The following N4BP2 variants were observed in gnomAD, a reference collection of about 807,000 sequenced individuals.
The protein encoded by N4BP2 is NEDD4 binding protein 2.
A neutral mutation model predicts 152.8 loss-of-function variants in N4BP2; 91 were observed. That is an observed-to-expected ratio of 0.60 (90% confidence interval 0.50 to 0.71). N4BP2 has a LOEUF of 0.71. N4BP2 is among the 30% of genes least tolerant of loss of function. N4BP2 has a pLI of 0.00. For synonymous variants in N4BP2, 646 were observed against 705.3 expected, an observed-to-expected ratio of 0.92 and a Z score of 1.33; for missense variants, 1,923 against 2,059.1, an observed-to-expected ratio of 0.93 and a Z score of 1.28.
At chr4:40,109,453 C>T (rs889791787) in intron 5 of N4BP2, among the ~76,000 whole-genome samples, 1 of 152,178 alleles carries the variant, frequency 6.6e-6, no homozygotes, top group African/African-American at 2.4e-5. Flanking sequence ...CGCGGTGGCT[C>T]ATGCCTGTAA....
intron 16 of N4BP2, among the ~76,000 whole-genome samples, chr4:40,149,902 GAAAA>G (rs534686637): frequency 2.1e-5 from 2 of 95,306 alleles, no homozygotes; most frequent in African/African-American, 8.9e-5. Flanking sequence ...ATCTCAAAAA[GAAAA>G]AAAAAAAAAA....
chr4:40,186,987 T>C, the N4BP2 span, among the ~76,000 whole-genome samples: 1 of 152,234 alleles, frequency 6.6e-6, no homozygotes, highest in South Asian at 2.1e-4. Context: ...TTTAAGCTGG[T>C]TCTTTTCATG....
chr4:40,118,216 C>T (rs951399735), intron 8 of N4BP2, among the ~76,000 whole-genome samples, 192 bp downstream of exon 8: 5 of 152,120 alleles, frequency 3.3e-5, no homozygotes, highest in Admixed American at 1.3e-4. Context: ...GTCAGGAGTT[C>T]GAGACCAGCC....
chr4:40,106,604 G>C (rs192478559), intron 4 of N4BP2, among the ~76,000 whole-genome samples: 1 of 151,782 alleles, frequency 6.6e-6, no homozygotes, highest in Non-Finnish European at 1.5e-5. Flanking sequence ...GCTGGAGTAC[G>C]GTGGCGCAAT....
At chr4:40,137,440 T>C (rs1254267655) in intron 14 of N4BP2, among the ~76,000 whole-genome samples, 1 of 152,210 alleles carries the variant, frequency 6.6e-6, no homozygotes, top group African/African-American at 2.4e-5. Context: ...TTTCCCAAAG[T>C]GGCTCTACCA....
chr4:40,140,692 A>G (rs973189299), intron 14 of N4BP2, among the ~76,000 whole-genome samples: 4 of 151,588 alleles, frequency 2.6e-5, no homozygotes, highest in Non-Finnish European at 4.4e-5. Context: ...GCAGATAAAC[A>G]AGTGAACAAA....
intron 4 of N4BP2, among the ~76,000 whole-genome samples, chr4:40,106,282 G>A (rs1207130339): frequency 1.3e-5 from 2 of 152,012 alleles, no homozygotes; most frequent in Admixed American, 6.6e-5. Flanking sequence ...AGTATGATTT[G>A]TTTGAATATT....
At position 40,144,710 on chromosome 4, in the gene N4BP2, C is replaced by T; in HGVS notation, c.5053C>T (p.Leu1685=). ...IEIFEKVNAS[L]LPQNVLDLHG... ...GATCTTTGAGAAAGTCAATGCTTCG[C>T]TGCTGCCACAGAATGTTTTAGACCT... Residue 1685 remains leucine (L), a synonymous_variant, in exon 16 of 18, where the codon CTG becomes TTG. Transcript: ENST00000261435. The T allele has an allele frequency of 1.2e-6, 2 of 1,614,078 alleles. No homozygotes were observed. The highest frequency in any genetic ancestry group is 1.3e-5 in the African/African-American group (1 of 75,058).
intron 5 of N4BP2, among the ~76,000 whole-genome samples, chr4:40,110,166 A>T (rs1386330261): frequency 1.3e-5 from 2 of 152,156 alleles, no homozygotes; most frequent in Admixed American, 1.3e-4. Context: ...CTTTATATGG[A>T]TGAGTAAGAT....
chr4:40,164,114 G>A, the N4BP2 span, among the ~76,000 whole-genome samples: 3 of 152,206 alleles, frequency 2.0e-5, no homozygotes, highest in African/African-American at 4.8e-5. Flanking sequence ...TCACGATGCT[G>A]TATGTGTAAG....
intron 2 of N4BP2, among the ~76,000 whole-genome samples, chr4:40,081,618 C>A (rs1230856528): frequency 6.6e-6 from 1 of 151,860 alleles, no homozygotes; most frequent in African/African-American, 2.4e-5. Context: ...TGCACTCCAG[C>A]CTGGGTGACA....
At chr4:40,085,429 A>G (rs1713844953) in intron 2 of N4BP2, among the ~76,000 whole-genome samples, 2 of 152,158 alleles carry the variant, frequency 1.3e-5, no homozygotes, top group Admixed American at 6.5e-5. Flanking sequence ...GAAGATGTAA[A>G]TTTGTTAGCA....
intron 16 of N4BP2, among the ~76,000 whole-genome samples, chr4:40,147,142 GT>G (rs1447157916): frequency 6.7e-6 from 1 of 149,932 alleles, no homozygotes; most frequent in African/African-American, 2.5e-5. Context: ...TCAAGCATCT[GT>G]TTAACAAAGC....
the N4BP2 span, among the ~76,000 whole-genome samples, chr4:40,178,226 A>G: frequency 6.6e-6 from 1 of 152,168 alleles, no homozygotes; most frequent in Non-Finnish European, 1.5e-5. Context: ...TTGCTCAGAA[A>G]TGTGTACAAT....
Position 40,120,694 on chromosome 4 carries a change from G to A in N4BP2, c.2583G>A (p.Glu861=), listed in dbSNP as rs768907861. 8.7e-6 allele frequency: 14 copies of A among 1,613,958 alleles called. No homozygotes were observed. Among genetic ancestry groups the A allele is most frequent in the Non-Finnish European group, 1.2e-5 (14 of 1,180,008 alleles). ...GRKSQCDDAS[E]PLNSYKYDAY... ...AGTCACAGTGTGATGATGCTTCAGA[G>A]CCACTCAATAGCTATAAATATGATG... Residue 861 remains glutamate (E), a synonymous_variant, in exon 9 of 18, where the codon GAG becomes GAA. Transcript: ENST00000261435.
the N4BP2 span, among the ~76,000 whole-genome samples, chr4:40,165,697 C>A: frequency 1.3e-5 from 2 of 151,972 alleles, no homozygotes; most frequent in African/African-American, 4.8e-5. Flanking sequence ...AAATGCAAAC[C>A]CACACATAGA....
chr4:40,103,009 A>G lies in N4BP2; in HGVS notation c.1164A>G (p.Ala388=). The G allele has an allele frequency of 1.2e-6, 2 of 1,614,138 alleles. No individual in the cohort carries two copies. Among genetic ancestry groups the G allele is most frequent in the Non-Finnish European group, 1.7e-6 (2 of 1,180,028 alleles). ...TAGCTCCTGTTGTAACCACAGCTGCACACTGGAGATCTGTCAACTACACAT... is the reference window on the plus strand; with the variant it reads ...TAGCTCCTGTTGTAACCACAGCTGCGCACTGGAGATCTGTCAACTACACAT... ...GFVAPVVTTA[A]HWRSVNYTFP... is the part of the protein sequence containing the mutation. The change falls in exon 4 of 18, where the codon GCA becomes GCG. Residue 388 remains alanine, a synonymous_variant. Coordinates refer to ENST00000261435, the MANE Select transcript of N4BP2 (RefSeq NM_018177.6).
chr4:40,169,466 T>C, the N4BP2 span, among the ~76,000 whole-genome samples: 10 of 151,276 alleles, frequency 6.6e-5, no homozygotes, highest in Non-Finnish European at 1.2e-4. Flanking sequence ...ATTAGAAATA[T>C]ATAAAAGATT....
At chr4:40,141,953 T>C (rs1358936886) in intron 14 of N4BP2, among the ~76,000 whole-genome samples, 2 of 152,046 alleles carry the variant, frequency 1.3e-5, no homozygotes, top group African/African-American at 2.4e-5. Context: ...TCAGGCGTGG[T>C]GGCGCGTGCC....
Sources: gnomAD v4.1 joint callset for allele counts (sites outside exome capture counted in the v4.1 genomes callset) on GRCh38, gnomAD v4.1.1 for gene constraint, MANE v1.5 for transcripts, NCBI Gene and HGNC (gene_info 2026-07-23, HGNC 2026-07-21) for gene names.